CDRT4: variants seen among roughly 807,000 people sequenced by gnomAD.
The protein encoded by CDRT4 is CMT1A duplicated region transcript 4 protein.
For synonymous variants in CDRT4, 64 were observed against 69.6 expected, an observed-to-expected ratio of 0.92 and a Z score of 0.40; for missense variants, 167 against 193.1, an observed-to-expected ratio of 0.87 and a Z score of 0.80.
chr17:15,443,827 G>A, intron 2 of CDRT4: 2 of 557,852 alleles, frequency 3.6e-6, no homozygotes, highest in South Asian at 1.5e-5. Context: ...GAAAGGAACT[G>A]CTACCGTTTG....
chr17:15,438,622 A>G (rs1978614889), intron 3 of CDRT4, among the ~76,000 whole-genome samples: 1 of 152,164 alleles, frequency 6.6e-6, no homozygotes, highest in South Asian at 2.1e-4. Context: ...TTCCTACTCT[A>G]CCCTCTTCAT....
rs1358658817 is a variant in CDRT4, at chr17:15,450,460, A to G, written c.-48+2544T>C. ...TGGTCATGGATAGAGTTGAGCACTC[A>G]CTCTCACATTCTTGAAATGTTCTCC... is the stretch of plus-strand genomic sequence containing the variant. On this transcript the variant is annotated intron_variant, in intron 2 of 3. Transcript: ENST00000619038. The surrounding 1 kb of genome is among the most constrained non-coding windows in gnomAD (Gnocchi z 4.2). 6.6e-6 allele frequency among the ~76,000 whole-genome samples: 1 copy of G among 151,632 alleles called. No homozygotes were observed. The highest frequency in any genetic ancestry group is 1.5e-5 in the Non-Finnish European group (1 of 67,918).
intron 1 of CDRT4, among the ~76,000 whole-genome samples, chr17:15,466,887 T>G (rs1980065000): frequency 6.6e-6 from 1 of 152,214 alleles, no homozygotes; most frequent in Non-Finnish European, 1.5e-5. Context: ...TGATTATTAT[T>G]GTTTTGTAAA....
chr17:15,443,890 A>T, intron 2 of CDRT4: 1 of 631,440 alleles, frequency 1.6e-6, no homozygotes. Flanking sequence ...CTGGGCTTCC[A>T]CTACAAGTTG....
chr17:15,462,890 T>G (rs1979820657), intron 1 of CDRT4, among the ~76,000 whole-genome samples: 2 of 152,196 alleles, frequency 1.3e-5, no homozygotes, highest in Admixed American at 1.3e-4. Flanking sequence ...CATGGGTGAC[T>G]GTTACTGAGT....
At chr17:15,456,271 G>A (rs1056728642) in intron 1 of CDRT4, among the ~76,000 whole-genome samples, 2 of 152,186 alleles carry the variant, frequency 1.3e-5, no homozygotes, top group African/African-American at 4.8e-5. Context: ...AATATGACTA[G>A]AGGGGTTGCA....
chr17:15,446,527 T>G (rs1032881189), intron 2 of CDRT4, among the ~76,000 whole-genome samples: 1 of 152,156 alleles, frequency 6.6e-6, no homozygotes, highest in African/African-American at 2.4e-5. Context: ...AATAATTTGC[T>G]GGACACGTCT....
At chr17:15,443,996 CAGGGT>C in intron 2 of CDRT4, 1 of 748,154 alleles carries the variant, frequency 1.3e-6, no homozygotes, top group South Asian at 1.4e-5. Flanking sequence ...AATACATCCA[CAGGGT>C]TTGGATGAGA....
At position 15,437,701 on chromosome 17, in the gene CDRT4, A is replaced by T; in HGVS notation, c.*72T>A. On this transcript the variant is annotated 3_prime_UTR_variant, in exon 4 of 4. Coordinates refer to ENST00000619038, the MANE Select transcript of CDRT4 (RefSeq NM_001204477.2). ...GTCAAGTGAGTGGTAAATGGAGCTTAACTTTTGTACGTTCTTGGGGAATGG... is the reference window on the plus strand; with the variant it reads ...GTCAAGTGAGTGGTAAATGGAGCTTTACTTTTGTACGTTCTTGGGGAATGG... 6.8e-7 allele frequency: 1 copy of T among 1,475,928 alleles called. No individual in the cohort carries two copies. Among genetic ancestry groups the T allele is most frequent in the Non-Finnish European group, 9.3e-7 (1 of 1,073,378 alleles). 91.4% of individuals were successfully genotyped at this position (1,475,928 alleles called of 1,614,324 possible).
At chr17:15,454,719 T>C (rs1005703114) in intron 1 of CDRT4, among the ~76,000 whole-genome samples, 6 of 152,244 alleles carry the variant, frequency 3.9e-5, no homozygotes, top group Non-Finnish European at 5.9e-5. Context: ...GCCAACAGCA[T>C]CAAGGGGCTG....
rs942080591 is a variant in CDRT4 at position 15,464,521 on chromosome 17, G to A, written c.-130+2939C>T. On this transcript the variant is annotated intron_variant, in intron 1 of 3. Transcript: ENST00000619038. This position sits in a 1 kb window ranked among gnomAD's most constrained non-coding sequence, Gnocchi z 4.5. Reference sequence around the variant, plus strand: ...ACTAGATGCTGGGCATTAGCAATCTGAGAGCTGGGTAACAAGTCCTGGGGT... The same window carrying A: ...ACTAGATGCTGGGCATTAGCAATCTAAGAGCTGGGTAACAAGTCCTGGGGT... 2.0e-5 allele frequency among the ~76,000 whole-genome samples: 3 copies of A among 152,088 alleles called. No homozygotes were observed. Among genetic ancestry groups the A allele is most frequent in the Non-Finnish European group, 4.4e-5 (3 of 68,012 alleles).
chr17:15,456,407 G>A (rs1246850830), intron 1 of CDRT4, among the ~76,000 whole-genome samples: 1 of 152,124 alleles, frequency 6.6e-6, no homozygotes, highest in African/African-American at 2.4e-5. Context: ...TGAAAACTAA[G>A]TAAAAATGTT....
Position 15,437,851 on chromosome 17 carries a change from G to A in CDRT4, c.381C>T (p.Asp127=). The change falls in exon 4 of 4, where the codon GAC becomes GAT. Residue 127 remains aspartate, a synonymous_variant. Coordinates refer to ENST00000619038, the MANE Select transcript of CDRT4 (RefSeq NM_001204477.2). ...TCTTGTTATAGTTTTCAGTTGGACA[G>A]TCTCTGGAATCCGCATGTAAGTGTG... ...EPTHLHADSR[D]CPTENYNKII... 3.1e-6 allele frequency: 5 copies of A among 1,614,174 alleles called. No individual in the cohort carries two copies. Among genetic ancestry groups the A allele is most frequent in the Non-Finnish European group, 4.2e-6 (5 of 1,180,040 alleles).
In CDRT4 at chr17:15,437,825, A is replaced by T. The variant is rs1363789189; in HGVS notation, c.407T>A (p.Ile136Asn). The change falls in exon 4 of 4, where the codon ATC (isoleucine) becomes AAC (asparagine). Residue 136 changes from isoleucine (I) to asparagine (N), a missense_variant. Transcript: ENST00000619038. ...RDCPTENYNK[I>N]IFARKPMMRM... ...CATCATAGGCTTGCGGGCAAAGATG[A>T]TCTTGTTATAGTTTTCAGTTGGACA... The T allele has an allele frequency of 6.2e-7, 1 of 1,613,968 alleles. No homozygotes were observed. The highest frequency in any genetic ancestry group is 8.5e-7 in the Non-Finnish European group (1 of 1,180,032).
intron 1 of CDRT4, among the ~76,000 whole-genome samples, chr17:15,454,149 G>A (rs1475587442): frequency 6.6e-6 from 1 of 152,058 alleles, no homozygotes; most frequent in Non-Finnish European, 1.5e-5. Context: ...ATGCTCAGGG[G>A]ACCCTTCAAC....
chr17:15,464,972 G>C lies in CDRT4; in HGVS notation c.-130+2488C>G, dbSNP rs116622258. Among the ~76,000 whole-genome samples, 1,894 of 145,904 alleles carry C rather than the reference G, an allele frequency of 0.013. 39 individuals carry two copies. Among genetic ancestry groups the C allele is most frequent in the African/African-American group, 0.046 (1,808 of 39,498 alleles). On this transcript the variant is annotated intron_variant, in intron 1 of 3. Transcript: ENST00000619038. The surrounding 1 kb of genome is among the most constrained non-coding windows in gnomAD (Gnocchi z 4.5). ...CAACACACAGACACACACACCAACA[G>C]ACACACCAACACACAGACACACGCA...
intron 3 of CDRT4, among the ~76,000 whole-genome samples, chr17:15,438,823 G>A (rs899466424): frequency 5.9e-5 from 9 of 152,236 alleles, no homozygotes; most frequent in African/African-American, 2.2e-4. Context: ...TTTACTTCTA[G>A]TTACACCTTA....
chr17:15,464,968 AAC>A lies in CDRT4; in HGVS notation c.-130+2490_-130+2491del, dbSNP rs1979930446. On this transcript the variant is annotated intron_variant, in intron 1 of 3. Transcript: ENST00000619038. The surrounding 1 kb of genome is among the most constrained non-coding windows in gnomAD (Gnocchi z 4.5). The stretch of plus-strand genomic sequence containing the variant: ...ACACCAACACACAGACACACACACC[AAC>A]AGACACACCAACACACAGACACACG... Among the ~76,000 whole-genome samples the A allele has an allele frequency of 1.3e-5, 2 of 151,104 alleles. No individual in the cohort carries two copies. Among genetic ancestry groups the A allele is most frequent in the African/African-American group, 4.9e-5 (2 of 41,016 alleles).
chr17:15,466,377 G>A (rs1449077387), intron 1 of CDRT4, among the ~76,000 whole-genome samples: 1 of 152,190 alleles, frequency 6.6e-6, no homozygotes, highest in Non-Finnish European at 1.5e-5. Flanking sequence ...GGGGAGAAGG[G>A]AAGGGCTGCC....
Sources: gnomAD v4.1 joint callset for allele counts (sites outside exome capture counted in the v4.1 genomes callset) on GRCh38, gnomAD v4.1.1 for gene constraint, Gnocchi (gnomAD v3.1) non-coding constraint, MANE v1.5 for transcripts, NCBI Gene and HGNC (gene_info 2026-07-23, HGNC 2026-07-21) for gene names.